SYNJ2: variants seen among roughly 807,000 people sequenced by gnomAD.
SYNJ2 encodes polyphosphatidylinositol phosphatase SYNJ2.
In SYNJ2, 116 loss-of-function variants were observed where a neutral mutation model predicts 141.3. The ratio of observed to expected loss-of-function variants is 0.82; its 90% CI spans 0.71 to 0.96. The LOEUF (loss-of-function observed/expected upper bound fraction) is 0.96. SYNJ2 is among the 40% of genes least tolerant of loss of function. SYNJ2 has a pLI of 0.00. For missense variants in SYNJ2, 1,873 were observed against 1,934.8 expected (o/e 0.97, Z 0.60); for synonymous variants, 745 against 777.7 (o/e 0.96, Z 0.70).
chr6:157,996,299 C>T (rs1777628503), intron 1 of SYNJ2, among the ~76,000 whole-genome samples: 1 of 152,186 alleles, frequency 6.6e-6, no homozygotes, highest in African/African-American at 2.4e-5. Context: ...GTGAATCCCA[C>T]CGAGTCCCCC....
chr6:157,993,594 C>T (rs1436318565), intron 1 of SYNJ2, among the ~76,000 whole-genome samples: 1 of 151,078 alleles, frequency 6.6e-6, no homozygotes, highest in Non-Finnish European at 1.5e-5. Flanking sequence ...GGGTATTGCT[C>T]AATACATTTT....
intron 15 of SYNJ2, among the ~76,000 whole-genome samples, chr6:158,073,195 C>T (rs946111450): frequency 1.3e-5 from 2 of 151,718 alleles, no homozygotes; most frequent in Non-Finnish European, 2.9e-5. Flanking sequence ...ACATTCTACA[C>T]TTCTTTTTTG....
At chr6:158,068,854 G>A (rs959288931) in intron 13 of SYNJ2, 126 bp downstream of exon 13, 3 of 977,080 alleles carry the variant, frequency 3.1e-6, no homozygotes, top group Non-Finnish European at 1.6e-6. Context: ...GGCCCTGGCT[G>A]TGTGGGGATC....
At chr6:158,091,968 GCTT>G (rs1783487774) in intron 25 of SYNJ2, among the ~76,000 whole-genome samples, 1 of 152,006 alleles carries the variant, frequency 6.6e-6, no homozygotes, top group Admixed American at 6.5e-5. Flanking sequence ...CTGCTGTGGG[GCTT>G]CTTTTTTGTG....
At position 158,071,645 on chromosome 6, in the gene SYNJ2, G is replaced by A; in HGVS notation, c.1984G>A (p.Ala662Thr). ...AGTGAAGACGGGCATGGGGGGCAAGGCGGGGAACAAGGGCGCCGTCGGCAT... is the reference window on the plus strand; with the variant it reads ...AGTGAAGACGGGCATGGGGGGCAAGACGGGGAACAAGGGCGCCGTCGGCAT... ...DTVKTGMGGK[A>T]GNKGAVGIRF... Residue 662 changes from alanine to threonine, a missense_variant, in exon 15 of 27, where the codon GCG becomes ACG. Coordinates refer to ENST00000355585, the MANE Select transcript of SYNJ2 (RefSeq NM_003898.4). This position sits in a 1 kb window ranked among gnomAD's most constrained non-coding sequence, Gnocchi z 4.3. The A allele has an allele frequency of 6.2e-7, 1 of 1,614,110 alleles. No homozygotes were observed. Among genetic ancestry groups the A allele is most frequent in the Middle Eastern group, 1.6e-4 (1 of 6,062 alleles).
chr6:158,024,158 C>T (rs1778916837), intron 2 of SYNJ2, among the ~76,000 whole-genome samples: 1 of 152,130 alleles, frequency 6.6e-6, no homozygotes, highest in Admixed American at 6.5e-5. Flanking sequence ...GGCACGGTGG[C>T]TCATGCCTGT....
At position 158,071,202 on chromosome 6, in the gene SYNJ2, A is replaced by C. The variant is rs1027220289; in HGVS notation, c.1941-400A>C. 6.6e-6 allele frequency among the ~76,000 whole-genome samples: 1 copy of C among 152,122 alleles called. No homozygotes were observed. Among genetic ancestry groups the C allele is most frequent in the Non-Finnish European group, 1.5e-5 (1 of 68,026 alleles). ...TGTCTCAAAATAACAATAATAATTT[A>C]AAAATGTGTTGATTGCCCAGATGAC... On this transcript the variant is annotated intron_variant, in intron 14 of 26. Transcript: ENST00000355585. The surrounding 1 kb of genome is among the most constrained non-coding windows in gnomAD (Gnocchi z 4.3).
At chr6:158,068,306 G>A (rs1249020442) in intron 12 of SYNJ2, among the ~76,000 whole-genome samples, 1 of 152,204 alleles carries the variant, frequency 6.6e-6, no homozygotes, top group African/African-American at 2.4e-5. Context: ...TTCTGCAGCA[G>A]CTGGAGCCAT....
In SYNJ2 at chr6:158,095,742, G is replaced by T; in HGVS notation, c.3869G>T (p.Arg1290Ile). The change falls in exon 27 of 27, where the codon AGA becomes ATA. Residue 1290 changes from arginine (R) to isoleucine (I), a missense_variant. Physicochemically the swap from Arg to Ile is moderately conservative, Grantham distance 97. Coordinates refer to ENST00000355585, the MANE Select transcript of SYNJ2 (RefSeq NM_003898.4). ...APRVPPVPKP[R>I]TFQPGKAAER... ...CGAGTCCCTCCTGTTCCCAAACCAA[G>T]AACATTTCAGCCTGGGAAAGCTGCA... 1 of 1,614,082 alleles carries T rather than the reference G, an allele frequency of 6.2e-7. No individual in the cohort carries two copies.
At chr6:158,083,132 C>T (rs768928125) in intron 20 of SYNJ2, among the ~76,000 whole-genome samples, 3 of 152,120 alleles carry the variant, frequency 2.0e-5, no homozygotes, top group Non-Finnish European at 4.4e-5. Flanking sequence ...CGGGTTTCAC[C>T]GTGTTGGTCA....
Position 157,992,786 on chromosome 6 carries a change from A to G in SYNJ2, c.127+10698A>G, listed in dbSNP as rs148835142. The stretch of plus-strand genomic sequence containing the variant: ...AGATAACAGGATCTCATTCTTTTTT[A>G]TGGATAAATAGTACTCCACTGTGTA... On this transcript the variant is annotated intron_variant, in intron 1 of 26. Transcript: ENST00000355585. 1.5e-3 allele frequency among the ~76,000 whole-genome samples: 232 copies of G among 152,216 alleles called. 4 individuals carry two copies. Among genetic ancestry groups the G allele is most frequent in the African/African-American group, 5.2e-3 (216 of 41,524 alleles).
chr6:158,083,487 G>C lies in SYNJ2; in HGVS notation c.2924G>C (p.Arg975Pro), dbSNP rs368434138. The C allele has an allele frequency of 6.2e-7, 1 of 1,614,094 alleles. No homozygotes were observed. The highest frequency in any genetic ancestry group is 8.5e-7 in the Non-Finnish European group (1 of 1,180,046). ...ACCAAGGACTGGCTGAAAGGTTTGC[G>C]AGAGGAGATCATTCGGAAACGAGAC... ...PKTKDWLKGL[R>P]EEIIRKRDSM... Residue 975 changes from arginine to proline, a missense_variant, in exon 21 of 27, where the codon CGA (arginine) becomes CCA (proline). Physicochemically the swap from Arg to Pro is moderately radical, Grantham distance 103. Coordinates refer to ENST00000355585, the MANE Select transcript of SYNJ2 (RefSeq NM_003898.4).
Position 158,001,319 on chromosome 6 carries a change from C to T in SYNJ2, c.128-15885C>T, listed in dbSNP as rs188139487. On this transcript the variant is annotated intron_variant, in intron 1 of 26. Coordinates refer to ENST00000355585, the MANE Select transcript of SYNJ2 (RefSeq NM_003898.4). ...ATTTCACATCTCCTCAAGCCTTTCACATCTCATCCCCCTCACACCTGATGA... is the reference window on the plus strand; with the variant it reads ...ATTTCACATCTCCTCAAGCCTTTCATATCTCATCCCCCTCACACCTGATGA... 3.5e-3 allele frequency: 531 copies of T among 152,076 alleles called. 2 individuals are homozygous for T. The highest frequency in any genetic ancestry group is 3.8e-3 in the Non-Finnish European group (259 of 67,990). The allele number at this position is 152,076 out of a possible 1,614,324, so 9.4% of individuals were successfully genotyped here. A position where few individuals can be genotyped will look rare whatever the true frequency, so the allele number is the denominator to read the frequency against.
chr6:158,025,553 G>A (rs1778997562), intron 2 of SYNJ2, among the ~76,000 whole-genome samples: 1 of 151,888 alleles, frequency 6.6e-6, no homozygotes, highest in Non-Finnish European at 1.5e-5. Flanking sequence ...CCAGCAACTC[G>A]GGAGGCTGAG....
At chr6:158,069,143 A>T (rs143807780) in intron 13 of SYNJ2, among the ~76,000 whole-genome samples, 450 of 152,232 alleles carry the variant, frequency 3.0e-3, no homozygotes, top group Admixed American at 6.9e-3. Flanking sequence ...TTCTTCCTGC[A>T]CACCAGGGCA....
intron 17 of SYNJ2, among the ~76,000 whole-genome samples, chr6:158,077,469 A>G (rs529840229): frequency 2.0e-5 from 3 of 150,720 alleles, no homozygotes; most frequent in East Asian, 3.9e-4. Flanking sequence ...TATCCAGCCT[A>G]TTTTGTTCAG....
At position 158,068,645 on chromosome 6, in the gene SYNJ2, A is replaced by C. The variant is rs1205107649; in HGVS notation, c.1718-2A>C. On this transcript the variant is annotated splice_acceptor_variant, in intron 12 of 26. Transcript: ENST00000355585. LOFTEE classifies it high-confidence loss of function. ...TCTGTCATCTCTTGCCTTGCTCCCC[A>C]GATGACAGCAGCCCAGCTGACATAT... The C allele has an allele frequency of 1.2e-6, 2 of 1,614,234 alleles. No homozygotes were observed. Among genetic ancestry groups the C allele is most frequent in the East Asian group, 4.5e-5 (2 of 44,886 alleles).
intron 1 of SYNJ2, among the ~76,000 whole-genome samples, chr6:157,989,020 C>T (rs1777312475): frequency 6.6e-6 from 1 of 152,172 alleles, no homozygotes; most frequent in African/African-American, 2.4e-5. Flanking sequence ...TTCTTTCTTT[C>T]TGGAGGAAAA....
intron 1 of SYNJ2, among the ~76,000 whole-genome samples, chr6:158,009,610 G>A (rs1471380553): frequency 1.3e-5 from 2 of 152,338 alleles, no homozygotes; most frequent in South Asian, 2.1e-4. Flanking sequence ...AGACATTCTC[G>A]TGTAGGAAAA....
Sources: allele counts gnomAD v4.1 joint callset (sites outside exome capture counted in the v4.1 genomes callset), GRCh38; gene constraint gnomAD v4.1.1; non-coding constraint Gnocchi (gnomAD v3.1); transcripts MANE v1.5; gene names NCBI Gene and HGNC (gene_info 2026-07-23, HGNC 2026-07-21).